Variants in AGTPBP1 observed in about 807,000 individuals in gnomAD.
AGTPBP1 encodes cytosolic carboxypeptidase 1.
A neutral mutation model predicts 143.9 loss-of-function variants in AGTPBP1; 70 were observed. The ratio of observed to expected loss-of-function variants is 0.49; its 90% CI spans 0.40 to 0.59. The LOEUF (loss-of-function observed/expected upper bound fraction) is 0.59, where lower values mean the gene tolerates loss of function less well. Among genes scored for constraint, AGTPBP1 ranks in the 20% least tolerant of loss-of-function variants. The pLI is 0.00. For synonymous variants in AGTPBP1, 463 were observed against 500.2 expected (o/e 0.93, Z 0.99); for missense variants, 1,229 against 1,464.5 (o/e 0.84, Z 2.62).
At chr9:85,595,064 T>C (rs1327713793) in intron 18 of AGTPBP1, among the ~76,000 whole-genome samples, 5 of 152,222 alleles carry the variant, frequency 3.3e-5, no homozygotes, top group African/African-American at 1.2e-4. Context: ...ATGGTGCAGA[T>C]GAATTACATA....
At chr9:85,561,737 G>A (rs1826741360) in intron 25 of AGTPBP1, among the ~76,000 whole-genome samples, 1 of 151,724 alleles carries the variant, frequency 6.6e-6, no homozygotes, top group South Asian at 2.1e-4. Context: ...GTATCTGAAA[G>A]TATCTAACAA....
At chr9:85,601,846 T>C (rs906148555) in intron 17 of AGTPBP1, among the ~76,000 whole-genome samples, 6 of 151,924 alleles carry the variant, frequency 3.9e-5, no homozygotes, top group East Asian at 3.9e-4. Flanking sequence ...CGACCTGGCA[T>C]CCTCATTCCC....
intron 1 of AGTPBP1, among the ~76,000 whole-genome samples, chr9:85,728,222 T>C (rs1427444037): frequency 6.6e-6 from 1 of 152,008 alleles, no homozygotes; most frequent in East Asian, 1.9e-4. Context: ...AGGAGAAAAA[T>C]ATTGAAAAGG....
intron 10 of AGTPBP1, among the ~76,000 whole-genome samples, chr9:85,655,799 T>C (rs925252732): frequency 6.6e-6 from 1 of 152,126 alleles, no homozygotes; most frequent in Non-Finnish European, 1.5e-5. Context: ...AAGGATAGCC[T>C]GAATATCACA....
chr9:85,650,911 G>A lies in AGTPBP1; in HGVS notation c.1087+4232C>T, dbSNP rs375498550. Among the ~76,000 whole-genome samples the A allele has an allele frequency of 5.3e-5, 8 of 152,134 alleles. No homozygotes were observed. In the East Asian group the frequency reaches 7.7e-4, roughly 15 times the overall value. Reference sequence around the variant, plus strand: ...TTTAATCATTTTTTATTCTGTATTCGTGTTTTGTTTAACAATAATACTTTC... The same window carrying A: ...TTTAATCATTTTTTATTCTGTATTCATGTTTTGTTTAACAATAATACTTTC... On this transcript the variant is annotated intron_variant, in intron 11 of 25. Coordinates refer to ENST00000357081, the MANE Select transcript of AGTPBP1 (RefSeq NM_001330701.2).
chr9:85,731,630 T>C (rs1401313393), intron 1 of AGTPBP1, among the ~76,000 whole-genome samples: 1 of 152,070 alleles, frequency 6.6e-6, no homozygotes. Context: ...TTCCATTCTT[T>C]GTAGAGACCG....
intron 23 of AGTPBP1, among the ~76,000 whole-genome samples, chr9:85,581,386 T>C (rs1332664947): frequency 1.3e-5 from 2 of 152,226 alleles, no homozygotes; most frequent in African/African-American, 2.4e-5. Flanking sequence ...ACAGTAGCAA[T>C]GATAATCCCT....
chr9:85,570,062 G>A (rs957684855), intron 25 of AGTPBP1, among the ~76,000 whole-genome samples: 1 of 152,034 alleles, frequency 6.6e-6, no homozygotes, highest in Non-Finnish European at 1.5e-5. Context: ...CTGAAACTGT[G>A]GACAGTAACA....
At chr9:85,620,281 G>T (rs1414694305) in intron 15 of AGTPBP1, among the ~76,000 whole-genome samples, 1 of 152,028 alleles carries the variant, frequency 6.6e-6, no homozygotes, top group African/African-American at 2.4e-5. Flanking sequence ...AGGCGTGGTG[G>T]CATGTGTCTG....
At chr9:85,637,516 G>A (rs1012926553) in intron 13 of AGTPBP1, among the ~76,000 whole-genome samples, 9 of 152,128 alleles carry the variant, frequency 5.9e-5, no homozygotes, top group Admixed American at 5.9e-4. Flanking sequence ...AGCAACATGG[G>A]TAAACCTCAA....
chr9:85,784,328 G>A, the AGTPBP1 span, among the ~76,000 whole-genome samples: 3 of 152,190 alleles, frequency 2.0e-5, no homozygotes, highest in Non-Finnish European at 4.4e-5. Flanking sequence ...TCCGGAGTGA[G>A]CCTCAGCAAT....
intron 25 of AGTPBP1, among the ~76,000 whole-genome samples, chr9:85,555,766 T>C (rs1255702396): frequency 1.3e-5 from 2 of 152,172 alleles, no homozygotes; most frequent in Middle Eastern, 3.4e-3. Flanking sequence ...TGAAATAATA[T>C]GAAATTTTTC....
In AGTPBP1 at chr9:85,677,576, C is replaced by T; in HGVS notation, c.296G>A (p.Gly99Asp). The change falls in exon 6 of 26, where the codon GGT becomes GAT. Residue 99 changes from glycine (G) to aspartate (D), a missense_variant. Physicochemically the swap from Gly to Asp is moderately conservative, Grantham distance 94 (BLOSUM62 -1). Around this residue, in one of 2 missense-constraint regions of AGTPBP1, gnomAD observed 743 missense variants for 812.2 expected, o/e 0.91. Coordinates refer to ENST00000357081, the MANE Select transcript of AGTPBP1 (RefSeq NM_001330701.2). ...ILVELVSAGG[G>D]RRVSFLVTKG... ...GGTGACTAAGAAACTCACTCTTCGACCTCCACCTAAAAATTAAAAAAAAAA... is the reference window on the plus strand; with the variant it reads ...GGTGACTAAGAAACTCACTCTTCGATCTCCACCTAAAAATTAAAAAAAAAA... 2.0e-6 allele frequency: 3 copies of T among 1,517,692 alleles called. No individual in the cohort carries two copies. The highest frequency in any genetic ancestry group is 1.3e-5 in the South Asian group (1 of 76,202). 94.0% of individuals were successfully genotyped at this position (1,517,692 alleles called of 1,614,324 possible). A position where few individuals can be genotyped will look rare whatever the true frequency, so the allele number is the denominator to read the frequency against.
At chr9:85,699,718 T>C (rs1349246818) in intron 2 of AGTPBP1, among the ~76,000 whole-genome samples, 1 of 152,120 alleles carries the variant, frequency 6.6e-6, no homozygotes, top group Non-Finnish European at 1.5e-5. Context: ...CTTTCAGAAA[T>C]TTCTGCTCAA....
intron 6 of AGTPBP1, among the ~76,000 whole-genome samples, chr9:85,673,505 T>C (rs1396649160): frequency 6.6e-6 from 1 of 152,122 alleles, no homozygotes; most frequent in East Asian, 1.9e-4. Flanking sequence ...ACCAAATAAA[T>C]TTCTAAAGGG....
At chr9:85,790,045 T>C in the AGTPBP1 span, among the ~76,000 whole-genome samples, 3,468 of 152,336 alleles carry the variant, frequency 0.023, 47 homozygotes, top group Non-Finnish European at 0.033. Context: ...CTCAACTTCA[T>C]TGGACTTTTT....
chr9:85,705,946 T>A (rs145063226), intron 2 of AGTPBP1, among the ~76,000 whole-genome samples: 5,208 of 151,846 alleles, frequency 0.034, 237 homozygotes, highest in East Asian at 0.21. Flanking sequence ...CGCCTCGGCC[T>A]CCCAAAGTGC....
chr9:85,791,936 A>C, the AGTPBP1 span, among the ~76,000 whole-genome samples: 4 of 152,100 alleles, frequency 2.6e-5, no homozygotes, highest in Non-Finnish European at 5.9e-5. Context: ...CAATGGCCTA[A>C]CAACATACAC....
At chr9:85,606,581 T>C (rs1056982194) in intron 17 of AGTPBP1, among the ~76,000 whole-genome samples, 8 of 152,012 alleles carry the variant, frequency 5.3e-5, no homozygotes, top group African/African-American at 1.9e-4. Context: ...GAAATCAGTA[T>C]ACTGAAAGGA....
Sources: allele counts gnomAD v4.1 joint callset (sites outside exome capture counted in the v4.1 genomes callset), GRCh38; gene constraint gnomAD v4.1.1; regional missense constraint gnomAD v4.1.1; transcripts MANE v1.5; gene names NCBI Gene and HGNC (gene_info 2026-07-23, HGNC 2026-07-21).